The following MINDY4 variants were observed in gnomAD, a reference collection of about 807,000 sequenced individuals.
MINDY4 encodes the protein probable ubiquitin carboxyl-terminal hydrolase MINDY-4.
A neutral mutation model predicts 87.0 loss-of-function variants in MINDY4; 68 were observed. The observed-to-expected ratio is 0.78, with a 90% CI of 0.64 to 0.96. The LOEUF (loss-of-function observed/expected upper bound fraction) is 0.96, where lower values mean the gene tolerates loss of function less well. Ranked by LOEUF, MINDY4 falls within the 40% of genes least tolerant of loss-of-function variation. The pLI is 0.00. For synonymous variants in MINDY4, 379 were observed against 363.2 expected (o/e 1.04, Z -0.50); for missense variants, 919 against 928.2 (o/e 0.99, Z 0.13).
At chr7:30,889,462 A>T (rs969778477) in intron 17 of MINDY4, among the ~76,000 whole-genome samples, 9 of 152,206 alleles carry the variant, frequency 5.9e-5, no homozygotes, top group Non-Finnish European at 1.5e-5. Context: ...GGACATCATC[A>T]GACTCCACCC....
intron 8 of MINDY4, among the ~76,000 whole-genome samples, chr7:30,840,433 T>A (rs751082658): frequency 6.6e-6 from 1 of 152,324 alleles, no homozygotes; most frequent in East Asian, 1.9e-4. Flanking sequence ...CCTCAACCTG[T>A]AGACACAGAA....
At chr7:30,807,795 A>C in intron 5 of MINDY4, among the ~76,000 whole-genome samples, 1 of 152,002 alleles carries the variant, frequency 6.6e-6, no homozygotes, top group East Asian at 1.9e-4. Flanking sequence ...GCAGTCACGT[A>C]CCCCCTGCTT....
At chr7:30,818,757 A>AG (rs542362647) in intron 5 of MINDY4, among the ~76,000 whole-genome samples, 2 of 152,358 alleles carry the variant, frequency 1.3e-5, no homozygotes, top group South Asian at 4.1e-4. Flanking sequence ...TAATGATTTA[A>AG]GAAAATGATT....
chr7:30,803,328 G>A (rs1211173432), intron 5 of MINDY4: 1 of 152,208 alleles, frequency 6.6e-6, no homozygotes, highest in Non-Finnish European at 1.5e-5. Context: ...TAAGAATTGA[G>A]ATGGATTCTT....
intron 12 of MINDY4, 40 bp from the exon 13 acceptor site, chr7:30,859,217 T>C: frequency 6.3e-7 from 1 of 1,587,882 alleles, no homozygotes; most frequent in Non-Finnish European, 8.6e-7. Context: ...AAGAGGGAGG[T>C]GCAAATGGGA....
At chr7:30,876,708 G>A (rs1022838092) in intron 15 of MINDY4, among the ~76,000 whole-genome samples, 5 of 152,250 alleles carry the variant, frequency 3.3e-5, no homozygotes, top group African/African-American at 1.2e-4. Flanking sequence ...TTGTTCTGTG[G>A]TTGATTAAAT....
intron 17 of MINDY4, 93 bp downstream of exon 17, chr7:30,883,086 G>T (rs533721415): frequency 8.1e-7 from 1 of 1,241,260 alleles, no homozygotes; most frequent in Non-Finnish European, 1.2e-6. Context: ...AAGGCAGATA[G>T]GTTCCTGGAC....
chr7:30,874,051 A>G (rs182695977), intron 14 of MINDY4, among the ~76,000 whole-genome samples: 1 of 152,328 alleles, frequency 6.6e-6, no homozygotes, highest in East Asian at 1.9e-4. Flanking sequence ...TTAACGATTC[A>G]GGCGAAAACA....
At chr7:30,827,745 G>A (rs143273914) in intron 5 of MINDY4, among the ~76,000 whole-genome samples, 7 of 152,248 alleles carry the variant, frequency 4.6e-5, no homozygotes, top group South Asian at 2.1e-4. Flanking sequence ...GGTACTGTGC[G>A]TCCTCTAGCT....
At chr7:30,785,269 GACACACACACAC>G (rs3138796) in intron 3 of MINDY4, among the ~76,000 whole-genome samples, 22 of 138,584 alleles carry the variant, frequency 1.6e-4, no homozygotes, top group African/African-American at 3.5e-4. Context: ...CTCTCTCTCT[GACACACACACAC>G]ACACACACAC....
chr7:30,872,432 C>T, intron 14 of MINDY4, 126 bp downstream of exon 14: 4 of 856,322 alleles, frequency 4.7e-6, no homozygotes, highest in Non-Finnish European at 7.4e-6. Flanking sequence ...CAACACTCTT[C>T]AAGCAGCTTT....
chr7:30,816,252 G>T lies in MINDY4; in HGVS notation c.1074-12427G>T, dbSNP rs1412642146. Among the ~76,000 whole-genome samples, 5 of 151,412 alleles carry T rather than the reference G, an allele frequency of 3.3e-5. No individual in the cohort carries two copies. The South Asian group carries it at 1.1e-3, about 32-fold the overall frequency. The stretch of plus-strand genomic sequence containing the variant: ...GAAGGTCACATCTTTGTACAGTTTT[G>T]TTTTGCAAACTGTATGCCCTTGAAG... On this transcript the variant is annotated intron_variant, in intron 5 of 17. Transcript: ENST00000265299.
At chr7:30,828,432 T>C (rs930134533) in intron 5 of MINDY4, among the ~76,000 whole-genome samples, 2 of 152,162 alleles carry the variant, frequency 1.3e-5, no homozygotes, top group African/African-American at 4.8e-5. Context: ...CTGACCATCC[T>C]GTATTGGCTG....
At chr7:30,867,140 G>A (rs1789961044) in intron 13 of MINDY4, among the ~76,000 whole-genome samples, 1 of 152,192 alleles carries the variant, frequency 6.6e-6, no homozygotes, top group South Asian at 2.1e-4. Flanking sequence ...AGGTCACGCA[G>A]TGCAGGTGGC....
rs546370994 is a variant in MINDY4, at chr7:30,825,021, T to G, written c.1074-3658T>G. The stretch of plus-strand genomic sequence containing the variant: ...GGACCTGTGGTGGGAGGTGGAGGCC[T>G]TAGCAGAGGGTCGAGCCGAGTTCTG... On this transcript the variant is annotated intron_variant, in intron 5 of 17. Coordinates refer to ENST00000265299, the MANE Select transcript of MINDY4 (RefSeq NM_032222.3). Among the ~76,000 whole-genome samples, 30 of 152,286 alleles carry G rather than the reference T, an allele frequency of 2.0e-4. No individual in the cohort carries two copies. In the East Asian group the frequency reaches 5.8e-3, roughly 29 times the overall value.
chr7:30,796,263 A>G (rs739981), intron 5 of MINDY4, among the ~76,000 whole-genome samples: 90,282 of 151,772 alleles, frequency 0.59, 28,369 homozygotes, highest in African/African-American at 0.81. Context: ...TTTTATCTGG[A>G]CCTTGTGTGG....
chr7:30,805,908 A>G (rs1160021621), intron 5 of MINDY4, among the ~76,000 whole-genome samples: 4 of 152,210 alleles, frequency 2.6e-5, no homozygotes, highest in African/African-American at 9.7e-5. Flanking sequence ...AGCAGCAGAG[A>G]CAAGAAATTC....
chr7:30,782,627 C>T (rs996462972), intron 3 of MINDY4, among the ~76,000 whole-genome samples: 13 of 151,902 alleles, frequency 8.6e-5, no homozygotes, highest in Non-Finnish European at 1.6e-4. Context: ...CACCTGAGCC[C>T]AGGAGTTCAA....
chr7:30,834,289 T>A (rs1037827245), intron 6 of MINDY4, among the ~76,000 whole-genome samples: 8 of 152,360 alleles, frequency 5.3e-5, no homozygotes, highest in African/African-American at 1.9e-4. Context: ...ATTCTTGACT[T>A]CTGTGCACCT....
Sources: allele counts gnomAD v4.1 joint callset (sites outside exome capture counted in the v4.1 genomes callset), GRCh38; gene constraint gnomAD v4.1.1; transcripts MANE v1.5; gene names NCBI Gene and HGNC (gene_info 2026-07-23, HGNC 2026-07-21).